The following EWSR1 variants were observed in gnomAD, a reference collection of about 807,000 sequenced individuals.
EWSR1 encodes the protein EWS RNA binding protein 1.
In EWSR1, 14 loss-of-function variants were observed where a neutral mutation model predicts 92.1. The ratio of observed to expected loss-of-function variants is 0.15; its 90% confidence interval spans 0.10 to 0.24. The LOEUF (loss-of-function observed/expected upper bound fraction) is 0.24, where lower values mean the gene tolerates loss of function less well. Among genes scored for constraint, EWSR1 ranks in the 10% least tolerant of loss-of-function variants. EWSR1 has a pLI of 1.00. For missense variants in EWSR1, 637 were observed against 870.9 expected, an observed-to-expected ratio of 0.73 and a Z score of 3.38; for synonymous variants, 303 against 292.9, an observed-to-expected ratio of 1.03 and a Z score of -0.35.
intron 8 of EWSR1, chr22:29,290,322 C>A: frequency 7.7e-7 from 1 of 1,292,604 alleles, no homozygotes; most frequent in Non-Finnish European, 1.1e-6. Context: ...TGTTAACATG[C>A]CCTTTTTCAT....
intron 8 of EWSR1, chr22:29,290,560 T>C (rs1018375624): frequency 6.5e-7 from 1 of 1,550,152 alleles, no homozygotes; most frequent in Admixed American, 2.0e-5. Context: ...ACAAAATGTA[T>C]TCATTGTATA....
At chr22:29,293,499 A>G (rs1205834160) in intron 11 of EWSR1, among the ~76,000 whole-genome samples, 1 of 152,006 alleles carries the variant, frequency 6.6e-6, no homozygotes, top group African/African-American at 2.4e-5. Flanking sequence ...GAGAATTTAC[A>G]TTTTTATGAT....
At chr22:29,276,075 C>T (rs919712799) in intron 4 of EWSR1, 14 of 231,540 alleles carry the variant, frequency 6.0e-5, no homozygotes, top group Non-Finnish European at 8.5e-6. Context: ...CATGACAAGG[C>T]CCTAACTGTT....
At chr22:29,277,947 G>A in intron 4 of EWSR1, 83 bp from the exon 5 acceptor site, 1 of 1,229,708 alleles carries the variant, frequency 8.1e-7, no homozygotes, top group South Asian at 1.5e-5. Flanking sequence ...TAAAGTAAGT[G>A]GTTTACAAAT....
At chr22:29,298,687 G>A (rs1357252592) in intron 13 of EWSR1, 46 bp from the exon 14 acceptor site, 5 of 1,608,246 alleles carry the variant, frequency 3.1e-6, no homozygotes, top group Non-Finnish European at 4.2e-6. Flanking sequence ...AGCAAATTTG[G>A]TGCTACAGAG....
At chr22:29,287,258 G>GA (rs1195033296) in intron 7 of EWSR1, 124 bp downstream of exon 7, 3 of 924,288 alleles carry the variant, frequency 3.2e-6, no homozygotes, top group Non-Finnish European at 5.0e-6. Flanking sequence ...GCTGAGGCTG[G>GA]AGTACAGTGG....
chr22:29,290,145 C>G, intron 8 of EWSR1: 1 of 318,606 alleles, frequency 3.1e-6, no homozygotes, highest in Non-Finnish European at 5.8e-6. Context: ...AGAAGTCTCT[C>G]TTGCAGCCAT....
chr22:29,283,364 T>G (rs1272069035), intron 6 of EWSR1, among the ~76,000 whole-genome samples: 2 of 152,154 alleles, frequency 1.3e-5, no homozygotes, highest in African/African-American at 4.8e-5. Context: ...CTGGCCAAGT[T>G]TTCTTTTTTG....
At chr22:29,300,019 CA>C in intron 16 of EWSR1, 102 bp from the exon 17 acceptor site, 1 of 540,604 alleles carries the variant, frequency 1.8e-6, no homozygotes. Flanking sequence ...CACCCCTTCC[CA>C]TTCTAACCGA....
In EWSR1 at chr22:29,268,286, G is replaced by C. The variant is rs770561780; in HGVS notation, c.-51G>C. On this transcript the variant is annotated 5_prime_UTR_variant, in exon 1 of 17. Coordinates refer to ENST00000397938, the MANE Select transcript of EWSR1 (RefSeq NM_005243.4). ...CGCCTGCGCAGTGCGGCGCCTAGAG[G>C]GAAAGCGAGAGGGAGACGGACGTTG... 1 of 1,606,638 alleles carries C rather than the reference G, an allele frequency of 6.2e-7. No individual in the cohort carries two copies. The highest frequency in any genetic ancestry group is 8.5e-7 in the Non-Finnish European group (1 of 1,173,376).
intron 5 of EWSR1, among the ~76,000 whole-genome samples, chr22:29,281,710 A>G (rs1336904212): frequency 6.6e-6 from 1 of 151,912 alleles, no homozygotes; most frequent in African/African-American, 2.4e-5. Flanking sequence ...CTTCCTGAGT[A>G]GCTGGGACTA....
At chr22:29,280,859 G>GTTTTTTTTTTT in intron 5 of EWSR1, among the ~76,000 whole-genome samples, 1 of 91,022 alleles carries the variant, frequency 1.1e-5, no homozygotes, top group South Asian at 4.2e-4. Context: ...GTGTGTGTGT[G>GTTTTTTTTTTT]TTGTTTTTTT....
At chr22:29,291,351 A>G (rs2060428457) in intron 8 of EWSR1, 2 of 489,940 alleles carry the variant, frequency 4.1e-6, no homozygotes, top group Non-Finnish European at 7.2e-6. Flanking sequence ...GGAACCAACC[A>G]CACTGGTGTG....
At chr22:29,268,431 G>A in intron 1 of EWSR1, 82 bp downstream of exon 1, 1 of 1,612,534 alleles carries the variant, frequency 6.2e-7, no homozygotes, top group African/African-American at 1.3e-5. Context: ...GCTTGGCTGG[G>A]AAGACTGAGT....
intron 4 of EWSR1, chr22:29,276,466 TTATTA>T (rs1372698990): frequency 1.8e-5 from 4 of 221,016 alleles, no homozygotes; most frequent in Admixed American, 5.8e-5. Context: ...AGAAAGAGTA[TTATTA>T]TATTCTGTGC....
intron 1 of EWSR1, among the ~76,000 whole-genome samples, chr22:29,269,953 G>A (rs1252501999): frequency 3.3e-5 from 5 of 152,188 alleles, no homozygotes; most frequent in Non-Finnish European, 4.4e-5. Flanking sequence ...TTGACACAAA[G>A]TAAACACATT....
chr22:29,298,676 T>G, intron 13 of EWSR1, 57 bp from the exon 14 acceptor site: 1 of 1,598,436 alleles, frequency 6.3e-7, no homozygotes, highest in Middle Eastern at 2.2e-4. Flanking sequence ...TTATTTCCTA[T>G]AGCAAATTTG....
intron 8 of EWSR1, 170 bp from the exon 9 acceptor site, chr22:29,291,392 G>T (rs2060431548): frequency 1.6e-6 from 1 of 609,828 alleles, no homozygotes; most frequent in Non-Finnish European, 2.8e-6. Flanking sequence ...TGTATATTGA[G>T]GAAATTTGAG....
chr22:29,278,949 G>T (rs1212721118), intron 5 of EWSR1, among the ~76,000 whole-genome samples: 3 of 151,864 alleles, frequency 2.0e-5, no homozygotes, highest in Non-Finnish European at 4.4e-5. Context: ...GAGCTAAGAT[G>T]GCACCATTGT....
Sources: allele counts gnomAD v4.1 joint callset (sites outside exome capture counted in the v4.1 genomes callset), GRCh38; gene constraint gnomAD v4.1.1; transcripts MANE v1.5; gene names NCBI Gene and HGNC (gene_info 2026-07-23, HGNC 2026-07-21).